Variants in MBD5 observed in about 807,000 individuals in gnomAD.
The protein encoded by MBD5 is methyl-CpG-binding domain protein 5.
In MBD5, 13 loss-of-function variants were observed where a neutral mutation model predicts 117.3. That is an observed-to-expected ratio of 0.11 (90% CI 0.07 to 0.18). The LOEUF (loss-of-function observed/expected upper bound fraction) is 0.18. Ranked by LOEUF, MBD5 falls within the 10% of genes least tolerant of loss-of-function variation. MBD5 has a pLI of 1.00. For missense variants in MBD5, 1,879 were observed against 2,093.8 expected (o/e 0.90, Z 2.00); for synonymous variants, 727 against 766.4 (o/e 0.95, Z 0.85).
At chr2:148,189,495 C>G (rs369747691) in intron 2 of MBD5, among the ~76,000 whole-genome samples, 8,026 of 98,934 alleles carry the variant, frequency 0.081, 400 homozygotes, top group South Asian at 0.11. Context: ...AGCAGGGGCA[C>G]ACTGACACCT....
intron 3 of MBD5, among the ~76,000 whole-genome samples, chr2:148,324,386 A>G (rs1454733339): frequency 1.3e-5 from 2 of 152,200 alleles, no homozygotes; most frequent in South Asian, 2.1e-4. Flanking sequence ...AGGCATTGGT[A>G]GCTTGATGGG....
chr2:148,187,469 G>A (rs1229965439), intron 2 of MBD5, among the ~76,000 whole-genome samples: 5 of 152,038 alleles, frequency 3.3e-5, no homozygotes, highest in African/African-American at 1.2e-4. Flanking sequence ...AAAAATCCAA[G>A]TTCATTTAAC....
intron 2 of MBD5, among the ~76,000 whole-genome samples, chr2:148,212,606 GTGTATGTTTTAATTTT>G (rs1043634118): frequency 1.3e-5 from 2 of 152,108 alleles, no homozygotes; most frequent in Non-Finnish European, 2.9e-5. Context: ...ATGTATATAT[GTGTATGTTTTAATTTT>G]TGTATGTTTT....
At chr2:148,365,842 T>C (rs1180019389) in intron 4 of MBD5, among the ~76,000 whole-genome samples, 1 of 151,008 alleles carries the variant, frequency 6.6e-6, no homozygotes, top group Non-Finnish European at 1.5e-5. Context: ...ATTAACACTC[T>C]ACCAAAAAAA....
chr2:148,379,738 A>T (rs1704082535), intron 4 of MBD5, among the ~76,000 whole-genome samples: 1 of 152,078 alleles, frequency 6.6e-6, no homozygotes, highest in Non-Finnish European at 1.5e-5. Flanking sequence ...AATTGCATGA[A>T]AGCCAGGGGA....
intron 1 of MBD5, among the ~76,000 whole-genome samples, chr2:148,139,814 T>C (rs1697270469): frequency 6.6e-6 from 1 of 152,174 alleles, no homozygotes; most frequent in Non-Finnish European, 1.5e-5. Context: ...GTTCTGGCTT[T>C]TCCCTGGCTT....
At position 148,484,324 on chromosome 2, in the gene MBD5, C is replaced by T. The variant is rs552389887; in HGVS notation, c.3544+189C>T. On this transcript the variant is annotated intron_variant, in intron 9 of 13. Coordinates refer to ENST00000642680, the MANE Select transcript of MBD5 (RefSeq NM_001378120.1). ...GTTATACAAACATGAGTGACTTTTTCCTCTTTCCCCTATTCTAGCAATACT... is the reference window on the plus strand; with the variant it reads ...GTTATACAAACATGAGTGACTTTTTTCTCTTTCCCCTATTCTAGCAATACT... Among the ~76,000 whole-genome samples the T allele has an allele frequency of 4.6e-5, 7 of 152,300 alleles. 1 individual carries two copies. The highest frequency in any genetic ancestry group is 1.7e-4 in the African/African-American group (7 of 41,574).
intron 1 of MBD5, among the ~76,000 whole-genome samples, chr2:148,093,831 T>C (rs571327214): frequency 3.9e-5 from 6 of 152,334 alleles, no homozygotes; most frequent in African/African-American, 1.2e-4. Flanking sequence ...TGTATCTTTG[T>C]TGTTTTGAGA....
chr2:148,229,736 G>A (rs539678426), intron 2 of MBD5, among the ~76,000 whole-genome samples: 1 of 152,288 alleles, frequency 6.6e-6, no homozygotes, highest in East Asian at 1.9e-4. Context: ...GCCTGGTAAT[G>A]CTATAGTTCT....
intron 1 of MBD5, among the ~76,000 whole-genome samples, chr2:148,164,673 T>G (rs1343906894): frequency 6.6e-6 from 1 of 152,230 alleles, no homozygotes; most frequent in African/African-American, 2.4e-5. Context: ...TAATTCTTGC[T>G]AAACTATAAG....
chr2:148,221,677 T>C (rs1250946275), intron 2 of MBD5, among the ~76,000 whole-genome samples: 1 of 152,154 alleles, frequency 6.6e-6, no homozygotes, highest in Non-Finnish European at 1.5e-5. Context: ...GTCTGATGGG[T>C]AGTTTGCAAA....
chr2:148,046,560 T>A (rs142921084), intron 1 of MBD5, among the ~76,000 whole-genome samples: 8 of 152,222 alleles, frequency 5.3e-5, no homozygotes, highest in African/African-American at 1.4e-4. Flanking sequence ...AAGTTAGAAA[T>A]ATCATAGTCC....
chr2:148,292,867 A>G (rs1574248216), intron 3 of MBD5, among the ~76,000 whole-genome samples: 2 of 151,774 alleles, frequency 1.3e-5, no homozygotes, highest in South Asian at 2.1e-4. Context: ...TGGTACCTAT[A>G]CACAACAGAG....
intron 3 of MBD5, among the ~76,000 whole-genome samples, chr2:148,237,062 C>T (rs547242159): frequency 6.6e-6 from 1 of 152,322 alleles, no homozygotes; most frequent in South Asian, 2.1e-4. Flanking sequence ...CCTCTCTCAG[C>T]CTTCATAGAA....
chr2:148,252,207 A>G (rs1332615547), intron 3 of MBD5, among the ~76,000 whole-genome samples: 1 of 152,214 alleles, frequency 6.6e-6, no homozygotes, highest in Admixed American at 6.5e-5. Flanking sequence ...TCACGCCTGT[A>G]ATCCCAGCAC....
chr2:148,381,946 C>T (rs1036551282), intron 4 of MBD5, among the ~76,000 whole-genome samples: 1 of 152,130 alleles, frequency 6.6e-6, no homozygotes, highest in Non-Finnish European at 1.5e-5. Context: ...CCTAAAAGAG[C>T]TCCTGAAGGA....
intron 3 of MBD5, among the ~76,000 whole-genome samples, chr2:148,280,131 C>CAAAAAA (rs3076398): frequency 7.3e-4 from 67 of 91,830 alleles, no homozygotes; most frequent in Non-Finnish European, 1.1e-3. Context: ...AAACTAACTG[C>CAAAAAA]AAAAAAAAAA....
At chr2:148,472,243 C>A (rs1270947217) in intron 8 of MBD5, 1 of 151,838 alleles carries the variant, frequency 6.6e-6, no homozygotes, top group African/African-American at 2.4e-5. Flanking sequence ...TGTACTGTTA[C>A]TGCTGGGGGT....
chr2:148,273,951 C>T (rs567072324), intron 3 of MBD5, among the ~76,000 whole-genome samples: 43 of 152,212 alleles, frequency 2.8e-4, no homozygotes, highest in Middle Eastern at 6.8e-3. Flanking sequence ...TTCTTCTTTG[C>T]TATTTTATTT....
Sources: allele counts gnomAD v4.1 joint callset (sites outside exome capture counted in the v4.1 genomes callset), GRCh38; gene constraint gnomAD v4.1.1; transcripts MANE v1.5; gene names NCBI Gene and HGNC (gene_info 2026-07-23, HGNC 2026-07-21).